The following ALG12 variants were observed in gnomAD, a reference collection of about 807,000 sequenced individuals.
The protein encoded by ALG12 is ALG12 alpha-1,6-mannosyltransferase, also known as dol-P-Man:Man(7)GlcNAc(2)-PP-Dol alpha-1,6-mannosyltransferase.
Under a neutral mutation model 46.0 loss-of-function variants are expected in ALG12, and 36 were observed. That is an observed-to-expected ratio of 0.78 (90% CI 0.60 to 1.03). The LOEUF (loss-of-function observed/expected upper bound fraction) is 1.03, where lower values mean the gene tolerates loss of function less well. Among genes scored for constraint, ALG12 ranks in the 50% least tolerant of loss-of-function variants. The pLI is 0.00. For missense variants in ALG12, 599 were observed against 633.5 expected, an observed-to-expected ratio of 0.95 and a Z score of 0.58; for synonymous variants, 326 against 291.6, an observed-to-expected ratio of 1.12 and a Z score of -1.20.
the ALG12 span, among the ~76,000 whole-genome samples, chr22:49,864,988 T>C: frequency 8.6e-6 from 1 of 115,968 alleles, no homozygotes; most frequent in Admixed American, 1.2e-4. Flanking sequence ...GCTATTGTGC[T>C]GTGTTTCTCC....
the ALG12 span, among the ~76,000 whole-genome samples, chr22:49,879,324 G>A: frequency 6.6e-6 from 1 of 151,636 alleles, no homozygotes; most frequent in African/African-American, 2.4e-5. Context: ...ACCAGGTTTC[G>A]CCATATTGGC....
chr22:49,860,692 A>G, the ALG12 span, among the ~76,000 whole-genome samples: 3 of 152,006 alleles, frequency 2.0e-5, no homozygotes, highest in African/African-American at 7.2e-5. Context: ...ATTTTTTACA[A>G]ATTTTATGTA....
At chr22:49,880,827 A>G in the ALG12 span, among the ~76,000 whole-genome samples, 1 of 152,136 alleles carries the variant, frequency 6.6e-6, no homozygotes, top group Admixed American at 6.6e-5. Flanking sequence ...TTGGGAAAAT[A>G]CTGATGTCAA....
chr22:49,906,415 G>A lies in ALG12; in HGVS notation c.992+1306C>T, dbSNP rs373880037. Among the ~76,000 whole-genome samples, 15 of 152,098 alleles carry A rather than the reference G, an allele frequency of 9.9e-5. No individual in the cohort carries two copies. Among genetic ancestry groups the A allele is most frequent in the African/African-American group, 2.4e-4 (10 of 41,414 alleles). On this transcript the variant is annotated intron_variant, in intron 7 of 9. Transcript: ENST00000330817. This position sits in a 1 kb window ranked among gnomAD's most constrained non-coding sequence, Gnocchi z 4.4. Reference sequence around the variant, plus strand: ...AGCTCCCAGGAGCCCCCACTGAGGCGCGGCTACAGCAGCCAGAGGAGCCCC... The same window carrying A: ...AGCTCCCAGGAGCCCCCACTGAGGCACGGCTACAGCAGCCAGAGGAGCCCC...
At chr22:49,863,490 G>C in the ALG12 span, among the ~76,000 whole-genome samples, 2 of 152,312 alleles carry the variant, frequency 1.3e-5, no homozygotes, top group African/African-American at 4.8e-5. Context: ...AGCTGGGCGT[G>C]GTGGCGAGTG....
Position 49,903,189 on chromosome 22 carries a change from A to T in ALG12, c.*649T>A, listed in dbSNP as rs1389131276. Reference sequence around the variant, plus strand: ...CTATCACATAGGAAACATTTTTAAAATTTCATTCTCATTATTTTCTGTAAT... The same window carrying T: ...CTATCACATAGGAAACATTTTTAAATTTTCATTCTCATTATTTTCTGTAAT... On this transcript the variant is annotated 3_prime_UTR_variant, in exon 10 of 10. Coordinates refer to ENST00000330817, the MANE Select transcript of ALG12 (RefSeq NM_024105.4). 1 of 374,756 alleles carries T rather than the reference A, an allele frequency of 2.7e-6. No homozygotes were observed. Among genetic ancestry groups the T allele is most frequent in the Admixed American group, 3.5e-5 (1 of 28,868 alleles). The allele number at this position is 374,756 out of a possible 1,614,324, so 23.2% of individuals were successfully genotyped here.
chr22:49,874,610 T>A, the ALG12 span, among the ~76,000 whole-genome samples: 3 of 148,774 alleles, frequency 2.0e-5, no homozygotes, highest in African/African-American at 7.4e-5. Context: ...CCTGACCTCG[T>A]GATCCAGCTG....
Position 49,906,019 on chromosome 22 carries a change from C to G in ALG12, c.993-1513G>C, listed in dbSNP as rs974961084. 4.6e-5 allele frequency among the ~76,000 whole-genome samples: 7 copies of G among 152,338 alleles called. No individual in the cohort carries two copies. The highest frequency in any genetic ancestry group is 1.7e-4 in the African/African-American group (7 of 41,574). On this transcript the variant is annotated intron_variant, in intron 7 of 9. Coordinates refer to ENST00000330817, the MANE Select transcript of ALG12 (RefSeq NM_024105.4). This position sits in a 1 kb window ranked among gnomAD's most constrained non-coding sequence, Gnocchi z 4.4. ...CCCTGACACCGTGGGAAACGGCCTGCTCTTGCTCCCAGGGTGGCCGGGCTG... is the reference window on the plus strand; with the variant it reads ...CCCTGACACCGTGGGAAACGGCCTGGTCTTGCTCCCAGGGTGGCCGGGCTG...
chr22:49,896,239 C>A (rs759344820), downstream of ALG12, among the ~76,000 whole-genome samples: 1 of 152,248 alleles, frequency 6.6e-6, no homozygotes, highest in Non-Finnish European at 1.5e-5. Context: ...TTCACCTAGG[C>A]GTCATCCTCA....
the ALG12 span, among the ~76,000 whole-genome samples, chr22:49,860,779 C>CTT: frequency 9.4e-5 from 13 of 137,572 alleles, no homozygotes; most frequent in East Asian, 2.1e-4. Flanking sequence ...TCTAAGCAAC[C>CTT]TTTTTTTTTT....
chr22:49,882,177 C>T, the ALG12 span, among the ~76,000 whole-genome samples: 2 of 152,198 alleles, frequency 1.3e-5, no homozygotes, highest in East Asian at 3.8e-4. Context: ...CTAGGGATGG[C>T]GCACCTCTCC....
chr22:49,871,753 A>ATTTT, the ALG12 span, among the ~76,000 whole-genome samples: 5 of 46,734 alleles, frequency 1.1e-4, no homozygotes, highest in East Asian at 1.0e-3. Context: ...TTATTTATTT[A>ATTTT]TTTATTTTTT....
rs964755219 is a variant in ALG12, at chr22:49,910,374, G to A, written c.469+60C>T. 2.7e-5 allele frequency: 42 copies of A among 1,582,818 alleles called. 1 individual carries two copies. In the African/African-American group the frequency reaches 4.0e-4, roughly 15 times the overall value. On this transcript the variant is annotated intron_variant, in intron 4 of 9. Transcript: ENST00000330817. ...GGCACTGCCATCAGCTGCACAGCCC[G>A]ACTCAGGGGAGCCCCTGCCCGGCAC... is the stretch of plus-strand genomic sequence containing the variant.
At chr22:49,877,584 C>T in the ALG12 span, among the ~76,000 whole-genome samples, 9 of 152,210 alleles carry the variant, frequency 5.9e-5, no homozygotes, top group African/African-American at 1.9e-4. Context: ...TGAGCCACCA[C>T]GCCTGGCCTA....
rs748250501 is a variant in ALG12 at position 49,904,336 on chromosome 22, C to T, written c.1162+1G>A. 1.9e-6 allele frequency: 3 copies of T among 1,614,218 alleles called. No individual in the cohort carries two copies. The highest frequency in any genetic ancestry group is 2.5e-6 in the Non-Finnish European group (3 of 1,180,032). ...CCCCAGGCAGTGCCCCCAGCACCCA[C>T]CTGTCTGGGGGGGCACCAGCTGGTG... On this transcript the variant is annotated splice_donor_variant, in intron 8 of 9. Coordinates refer to ENST00000330817, the MANE Select transcript of ALG12 (RefSeq NM_024105.4). LOFTEE classifies it high-confidence loss of function.
chr22:49,883,575 G>A, the ALG12 span: 2 of 1,429,996 alleles, frequency 1.4e-6, no homozygotes, highest in East Asian at 2.3e-5. Context: ...ACGAAAAAGT[G>A]AAGATAATCT....
the ALG12 span, among the ~76,000 whole-genome samples, chr22:49,865,013 T>C: frequency 7.7e-6 from 1 of 129,524 alleles, no homozygotes; most frequent in Non-Finnish European, 1.6e-5. Context: ...CAAACCCTTA[T>C]TCAGTCCTAG....
At chr22:49,863,298 C>T in the ALG12 span, among the ~76,000 whole-genome samples, 4 of 152,126 alleles carry the variant, frequency 2.6e-5, no homozygotes, top group Non-Finnish European at 4.4e-5. Context: ...TAACTGGGAC[C>T]ACAGGCACGC....
chr22:49,879,290 A>C, the ALG12 span, among the ~76,000 whole-genome samples: 1 of 150,568 alleles, frequency 6.6e-6, no homozygotes, highest in Non-Finnish European at 1.5e-5. Flanking sequence ...ACGCCGCGCT[A>C]ATTTTTTTGT....
Sources: allele counts gnomAD v4.1 joint callset (sites outside exome capture counted in the v4.1 genomes callset), GRCh38; gene constraint gnomAD v4.1.1; non-coding constraint Gnocchi (gnomAD v3.1); transcripts MANE v1.5; gene names NCBI Gene and HGNC (gene_info 2026-07-23, HGNC 2026-07-21).